Variants in SH2D3C observed in about 807,000 individuals in gnomAD.
SH2D3C encodes the protein SH2 domain containing 3C.
A neutral mutation model predicts 75.2 loss-of-function variants in SH2D3C; 25 were observed. That is an observed-to-expected ratio of 0.33 (90% CI 0.24 to 0.46). The LOEUF (loss-of-function observed/expected upper bound fraction) is 0.46, where lower values mean the gene tolerates loss of function less well. Among genes scored for constraint, SH2D3C ranks in the 20% least tolerant of loss-of-function variants. SH2D3C has a pLI of 1.00. For missense variants in SH2D3C, 933 were observed against 1,165.3 expected (o/e 0.80, Z 2.90); for synonymous variants, 450 against 473.7 (o/e 0.95, Z 0.65).
In SH2D3C at chr9:127,761,620, G is replaced by T; in HGVS notation, c.546C>A (p.Asp182Glu). Residue 182 changes from aspartate to glutamate, a missense_variant, in exon 3 of 12, where the codon GAC becomes GAA. By Grantham distance (45) the Asp-to-Glu change is conservative (BLOSUM62 2). Coordinates refer to ENST00000314830, the MANE Select transcript of SH2D3C (RefSeq NM_170600.3). ...RAAGEPEAGS[D>E]YVKFSKEKYI... The stretch of plus-strand genomic sequence containing the variant: ...GGCCAGCCCCTCCTACCTTCACATA[G>T]TCGCTGCCAGCCTCTGGCTCTCCAG... 1 of 1,612,020 alleles carries T rather than the reference G, an allele frequency of 6.2e-7. No individual in the cohort carries two copies.
rs542263218 is a variant in SH2D3C at position 127,754,940 on chromosome 9, C to T, written c.556-3640G>A. The T allele has an allele frequency of 1.4e-3, 691 of 511,682 alleles. 2 individuals are homozygous for T. Among genetic ancestry groups the T allele is most frequent in the Non-Finnish European group, 2.0e-3 (556 of 275,516 alleles). 31.7% of individuals were successfully genotyped at this position (511,682 alleles called of 1,614,324 possible). On this transcript the variant is annotated intron_variant, in intron 3 of 11. Coordinates refer to ENST00000314830, the MANE Select transcript of SH2D3C (RefSeq NM_170600.3). This position sits in a 1 kb window ranked among gnomAD's most constrained non-coding sequence, Gnocchi z 4.4. ...GGCTGGGGTGACCCCGCCCCCTCCC[C>T]GGGTCGGCCGGGCCCAGCCCAGCCC...
intron 7 of SH2D3C, among the ~76,000 whole-genome samples, chr9:127,743,295 G>C (rs1485667542): frequency 6.6e-6 from 1 of 152,206 alleles, no homozygotes; most frequent in Non-Finnish European, 1.5e-5. Flanking sequence ...CTGAGGTCAG[G>C]AGTTCGAGAC....
At chr9:127,748,801 G>A (rs980222218) in intron 5 of SH2D3C, among the ~76,000 whole-genome samples, 3 of 152,352 alleles carry the variant, frequency 2.0e-5, no homozygotes, top group Non-Finnish European at 4.4e-5. Context: ...AAAGCCCTCT[G>A]CTCAGATGCC....
chr9:127,741,730 C>T, intron 9 of SH2D3C, 58 bp downstream of exon 9: 1 of 1,557,122 alleles, frequency 6.4e-7, no homozygotes, highest in East Asian at 2.3e-5. Context: ...ATCCCAAAGG[C>T]ACCCCAGGGC....
Position 127,739,080 on chromosome 9 carries a change from C to T in SH2D3C, c.2408-159G>A, listed in dbSNP as rs1388933558. Among the ~76,000 whole-genome samples the T allele has an allele frequency of 6.6e-6, 1 of 152,166 alleles. No homozygotes were observed. Among genetic ancestry groups the T allele is most frequent in the Non-Finnish European group, 1.5e-5 (1 of 68,036 alleles). On this transcript the variant is annotated intron_variant, in intron 11 of 11. Coordinates refer to ENST00000314830, the MANE Select transcript of SH2D3C (RefSeq NM_170600.3). This position sits in a 1 kb window ranked among gnomAD's most constrained non-coding sequence, Gnocchi z 4.3. Reference sequence around the variant, plus strand: ...GACCCTGTAGTTTAGCATCTTTGTCCTGTTATTTGCAGCATATAATTTAAA... The same window carrying T: ...GACCCTGTAGTTTAGCATCTTTGTCTTGTTATTTGCAGCATATAATTTAAA...
chr9:127,750,682 G>A (rs1214439499), intron 4 of SH2D3C, among the ~76,000 whole-genome samples: 3 of 152,162 alleles, frequency 2.0e-5, no homozygotes, highest in Admixed American at 6.5e-5. Context: ...TGGCAGAGTT[G>A]GTGTTTGGCA....
At chr9:127,750,894 A>G (rs971555996) in intron 4 of SH2D3C, among the ~76,000 whole-genome samples, 1 of 152,268 alleles carries the variant, frequency 6.6e-6, no homozygotes, top group Admixed American at 6.5e-5. Context: ...GCCAACATTC[A>G]TGGTGTCAAG....
chr9:127,770,231 A>T (rs1249451744), intron 2 of SH2D3C, among the ~76,000 whole-genome samples: 3 of 151,894 alleles, frequency 2.0e-5, no homozygotes, highest in African/African-American at 7.3e-5. Context: ...ACACCAGGAA[A>T]CCCCTGCAGC....
rs758481441 is a variant in SH2D3C, at chr9:127,751,128, G to C, written c.684+44C>G. The C allele has an allele frequency of 2.4e-5, 38 of 1,607,438 alleles. No homozygotes were observed. Among genetic ancestry groups the C allele is most frequent in the Middle Eastern group, 2.1e-4 (1 of 4,754 alleles). On this transcript the variant is annotated intron_variant, in intron 4 of 11. Coordinates refer to ENST00000314830, the MANE Select transcript of SH2D3C (RefSeq NM_170600.3). The surrounding 1 kb of genome is among the most constrained non-coding windows in gnomAD (Gnocchi z 4.1). ...AGGGCTGGGGCTGGCCAAGGCAGTG[G>C]GTGGGAGGGTCCCGGGTTGAAGTCC...
chr9:127,766,356 T>G (rs1845634995), intron 2 of SH2D3C, among the ~76,000 whole-genome samples: 1 of 152,220 alleles, frequency 6.6e-6, no homozygotes. Context: ...GCCTTCCCTC[T>G]CTGAAGCTCA....
intron 2 of SH2D3C, among the ~76,000 whole-genome samples, chr9:127,768,675 G>A (rs549832124): frequency 6.6e-6 from 1 of 152,336 alleles, no homozygotes; most frequent in Admixed American, 6.5e-5. Context: ...CTCAAGGCCA[G>A]CAATGGCTCC....
At chr9:127,741,048 T>C (rs1285640177) in intron 9 of SH2D3C, among the ~76,000 whole-genome samples, 1 of 152,164 alleles carries the variant, frequency 6.6e-6, no homozygotes. Flanking sequence ...GTTCAAGTCC[T>C]AATTCTTTCA....
rs775798516 is a variant in SH2D3C at position 127,739,057 on chromosome 9, C to T, written c.2408-136G>A. The T allele has an allele frequency of 1.5e-6, 1 of 650,538 alleles. No homozygotes were observed. Among genetic ancestry groups the T allele is most frequent in the South Asian group, 2.8e-5 (1 of 35,644 alleles). 40.3% of individuals were successfully genotyped at this position (650,538 alleles called of 1,614,324 possible). A position where few individuals can be genotyped will look rare whatever the true frequency, so the allele number is the denominator to read the frequency against. On this transcript the variant is annotated intron_variant, in intron 11 of 11. Transcript: ENST00000314830. The surrounding 1 kb of genome is among the most constrained non-coding windows in gnomAD (Gnocchi z 4.3). Reference sequence around the variant, plus strand: ...CAACAAGGTTTGTGAATCAACACGACCCTGTAGTTTAGCATCTTTGTCCTG... The same window carrying T: ...CAACAAGGTTTGTGAATCAACACGATCCTGTAGTTTAGCATCTTTGTCCTG...
At chr9:127,759,412 C>T (rs945936420) in intron 3 of SH2D3C, among the ~76,000 whole-genome samples, 1 of 152,100 alleles carries the variant, frequency 6.6e-6, no homozygotes, top group African/African-American at 2.4e-5. Flanking sequence ...GATAGGATTT[C>T]GCCATGTTGG....
intron 2 of SH2D3C, chr9:127,766,809 A>T: frequency 1.2e-6 from 1 of 858,538 alleles, no homozygotes; most frequent in Admixed American, 2.8e-5. Context: ...GCATCAGGTG[A>T]TCCACCTGCC....
At chr9:127,764,720 G>A (rs1845600769) in intron 2 of SH2D3C, among the ~76,000 whole-genome samples, 1 of 152,068 alleles carries the variant, frequency 6.6e-6, no homozygotes, top group South Asian at 2.1e-4. Flanking sequence ...TGTTGTTGTT[G>A]CTGTTGAGAT....
At chr9:127,759,214 C>CT (rs1247249418) in intron 3 of SH2D3C, among the ~76,000 whole-genome samples, 15 of 151,416 alleles carry the variant, frequency 9.9e-5, no homozygotes, top group Admixed American at 7.2e-4. Flanking sequence ...CTACATCATG[C>CT]TTTTTTTTTA....
At chr9:127,773,262 G>T (rs867149184) in intron 2 of SH2D3C, among the ~76,000 whole-genome samples, 1 of 152,106 alleles carries the variant, frequency 6.6e-6, no homozygotes, top group Non-Finnish European at 1.5e-5. Flanking sequence ...GCTGACAAAT[G>T]GTTTTCTAGA....
intron 2 of SH2D3C, among the ~76,000 whole-genome samples, chr9:127,773,108 C>G (rs184274911): frequency 3.9e-5 from 6 of 152,146 alleles, no homozygotes; most frequent in Non-Finnish European, 8.8e-5. Context: ...CTGCACCCAG[C>G]CTTAATGATT....
Sources: gnomAD v4.1 joint callset for allele counts (sites outside exome capture counted in the v4.1 genomes callset) on GRCh38, gnomAD v4.1.1 for gene constraint, Gnocchi (gnomAD v3.1) non-coding constraint, MANE v1.5 for transcripts, NCBI Gene and HGNC (gene_info 2026-07-23, HGNC 2026-07-21) for gene names.